The following NEDD4 variants were observed in gnomAD, a reference collection of about 807,000 sequenced individuals.
NEDD4 encodes the protein NEDD4 E3 ubiquitin protein ligase, also known as E3 ubiquitin-protein ligase NEDD4.
NEDD4 carries 99 observed loss-of-function variants against 144.9 expected under a neutral mutation model. That is an observed-to-expected ratio of 0.68 (90% confidence interval 0.58 to 0.81). The LOEUF (loss-of-function observed/expected upper bound fraction) is 0.81. Ranked by LOEUF, NEDD4 falls within the 30% of genes least tolerant of loss-of-function variation. NEDD4 has a pLI of 0.00. For missense variants in NEDD4, 985 were observed against 1,065.9 expected, an observed-to-expected ratio of 0.92 and a Z score of 1.06; for synonymous variants, 318 against 350.6, an observed-to-expected ratio of 0.91 and a Z score of 1.04.
intron 4 of NEDD4, among the ~76,000 whole-genome samples, chr15:55,927,718 ATTATT>A (rs1251805028): frequency 5.0e-4 from 76 of 152,248 alleles, no homozygotes; most frequent in African/African-American, 1.6e-3. Context: ...ACATCTGAAG[ATTATT>A]TTGTCAGTGG....
chr15:55,865,696 C>T lies in NEDD4; in HGVS notation c.508-2617G>A, dbSNP rs964915993. On this transcript the variant is annotated intron_variant, in intron 8 of 28. Transcript: ENST00000435532. ...TGACTGCTGTGTGACAGGCAGTGGA[C>T]GGCTTCCAAGATGGAAGAGAATTCT... Among the ~76,000 whole-genome samples the T allele has an allele frequency of 4.6e-5, 7 of 152,132 alleles. No individual in the cohort carries two copies. The East Asian group carries it at 5.8e-4, about 13-fold the overall frequency.
intron 5 of NEDD4, among the ~76,000 whole-genome samples, chr15:55,882,862 G>A (rs1037430332): frequency 4.6e-5 from 7 of 152,204 alleles, no homozygotes; most frequent in Admixed American, 2.6e-4. Context: ...TGACTGAAGA[G>A]CCTTAGGTCC....
intron 5 of NEDD4, among the ~76,000 whole-genome samples, chr15:55,902,565 G>T (rs189697997): frequency 6.6e-6 from 1 of 152,118 alleles, no homozygotes; most frequent in Non-Finnish European, 1.5e-5. Context: ...ATTTTAGAAC[G>T]GGATGAGGCA....
At chr15:55,977,213 T>A (rs944046875) in intron 1 of NEDD4, among the ~76,000 whole-genome samples, 3 of 152,230 alleles carry the variant, frequency 2.0e-5, no homozygotes, top group Non-Finnish European at 4.4e-5. Flanking sequence ...ACAGCATATA[T>A]GATGGTGGTC....
At chr15:55,948,595 T>C (rs1418726167) in intron 4 of NEDD4, among the ~76,000 whole-genome samples, 8 of 152,052 alleles carry the variant, frequency 5.3e-5, no homozygotes, top group African/African-American at 1.2e-4. Flanking sequence ...GGTACTGGTA[T>C]CAAAACAGAG....
At chr15:55,868,908 G>A (rs754805860) in intron 8 of NEDD4, among the ~76,000 whole-genome samples, 2 of 152,020 alleles carry the variant, frequency 1.3e-5, no homozygotes, top group Admixed American at 6.6e-5. Flanking sequence ...CCTGAGGTTC[G>A]GAAAAGTTCA....
chr15:55,837,777 GA>G lies in NEDD4; in HGVS notation c.2262+11del. On this transcript the variant is annotated intron_variant, in intron 24 of 28. Coordinates refer to ENST00000435532, the MANE Select transcript of NEDD4 (RefSeq NM_006154.4). ...TGACATTATGGAAGAGCAAATAAAAGAAAATGAATACCTCTTTAAAAGCAGC... is the reference window on the plus strand; with the variant it reads ...TGACATTATGGAAGAGCAAATAAAAGAAATGAATACCTCTTTAAAAGCAGC... The G allele has an allele frequency of 6.2e-7, 1 of 1,603,790 alleles. No individual in the cohort carries two copies. The highest frequency in any genetic ancestry group is 8.5e-7 in the Non-Finnish European group (1 of 1,171,962).
chr15:55,830,056 C>G (rs780117307), intron 28 of NEDD4, 57 bp from the exon 29 acceptor site: 200 of 1,195,450 alleles, frequency 1.7e-4, no homozygotes, highest in Non-Finnish European at 2.1e-4. Context: ...AGTACCACCA[C>G]AGCAAACAGA....
At chr15:55,899,265 A>C (rs1205451457) in intron 5 of NEDD4, among the ~76,000 whole-genome samples, 1 of 152,244 alleles carries the variant, frequency 6.6e-6, no homozygotes, top group Non-Finnish European at 1.5e-5. Flanking sequence ...TTCTATAAAA[A>C]GTTTTACTTT....
At chr15:55,963,856 T>G (rs2037466072) in intron 2 of NEDD4, among the ~76,000 whole-genome samples, 1 of 152,192 alleles carries the variant, frequency 6.6e-6, no homozygotes, top group Non-Finnish European at 1.5e-5. Context: ...TTGGAAAATG[T>G]TATTTTGTCA....
chr15:55,866,862 C>T (rs1354981219), intron 8 of NEDD4, among the ~76,000 whole-genome samples: 2 of 152,132 alleles, frequency 1.3e-5, no homozygotes, highest in Non-Finnish European at 2.9e-5. Flanking sequence ...AGAAGGCCTT[C>T]CTATTAAATA....
intron 5 of NEDD4, among the ~76,000 whole-genome samples, chr15:55,898,563 C>T (rs1161226370): frequency 6.6e-6 from 1 of 151,878 alleles, no homozygotes; most frequent in Non-Finnish European, 1.5e-5. Context: ...TCTTTGTCTT[C>T]CTTGCCTAGA....
At chr15:55,933,381 G>A (rs1321176109) in intron 4 of NEDD4, among the ~76,000 whole-genome samples, 1 of 152,028 alleles carries the variant, frequency 6.6e-6, no homozygotes, top group Non-Finnish European at 1.5e-5. Context: ...GCCTTGTAGG[G>A]ACATGGATGA....
In NEDD4 at chr15:55,993,435, C is replaced by T. The variant is rs555961881; in HGVS notation, c.45+76G>A. On this transcript the variant is annotated intron_variant, in intron 1 of 28. Transcript: ENST00000435532. Reference sequence around the variant, plus strand: ...ACAGCAGAGCCTCCGGTCGTGGCCGCCGCCGCTACCTCCCCGGGTCCGGCT... The same window carrying T: ...ACAGCAGAGCCTCCGGTCGTGGCCGTCGCCGCTACCTCCCCGGGTCCGGCT... 3.3e-3 allele frequency: 5,181 copies of T among 1,549,978 alleles called. 51 individuals carry two copies. Among genetic ancestry groups the T allele is most frequent in the African/African-American group, 0.017 (1,189 of 70,850 alleles).
intron 1 of NEDD4, among the ~76,000 whole-genome samples, chr15:55,968,869 C>T (rs1002038154): frequency 1.3e-5 from 2 of 152,062 alleles, no homozygotes; most frequent in East Asian, 1.9e-4. Flanking sequence ...GAGGAGGAGG[C>T]GGAGCAAGAT....
intron 4 of NEDD4, chr15:55,934,621 G>T (rs1170464536): frequency 6.6e-6 from 1 of 151,544 alleles, no homozygotes; most frequent in East Asian, 1.9e-4. Flanking sequence ...ATAAACTGTA[G>T]ATATACGGCC....
intron 21 of NEDD4, among the ~76,000 whole-genome samples, chr15:55,839,999 AATATATATATATAT>A (rs1176994871): frequency 0.031 from 812 of 25,852 alleles, 8 homozygotes; most frequent in South Asian, 0.071. Flanking sequence ...AAAAAAAAAA[AATATATATATATAT>A]ATATATATAT....
intron 7 of NEDD4, among the ~76,000 whole-genome samples, chr15:55,870,489 C>T (rs2034745036): frequency 6.7e-6 from 1 of 150,178 alleles, no homozygotes; most frequent in Non-Finnish European, 1.5e-5. Flanking sequence ...ACCTGTCTTT[C>T]ATAAGCTGCT....
chr15:55,979,139 T>C (rs1299223907), intron 1 of NEDD4, among the ~76,000 whole-genome samples: 1 of 151,792 alleles, frequency 6.6e-6, no homozygotes, highest in Non-Finnish European at 1.5e-5. Flanking sequence ...ACTAGTTCAC[T>C]ATTAAAATCC....
Sources: allele counts gnomAD v4.1 joint callset (sites outside exome capture counted in the v4.1 genomes callset), GRCh38; gene constraint gnomAD v4.1.1; transcripts MANE v1.5; gene names NCBI Gene and HGNC (gene_info 2026-07-23, HGNC 2026-07-21).